RYK: variants seen among roughly 807,000 people sequenced by gnomAD.
RYK encodes inactive tyrosine-protein kinase RYK.
A neutral mutation model predicts 70.2 loss-of-function variants in RYK; 21 were observed. The observed-to-expected ratio is 0.30, with a 90% CI of 0.21 to 0.43. RYK has a LOEUF of 0.43. RYK is among the 20% of genes least tolerant of loss of function. RYK has a pLI of 1.00. For synonymous variants in RYK, 267 were observed against 278.0 expected (o/e 0.96, Z 0.39); for missense variants, 604 against 753.3 (o/e 0.80, Z 2.32).
At chr3:134,239,345 C>A (rs187237943) in intron 1 of RYK, among the ~76,000 whole-genome samples, 1 of 152,006 alleles carries the variant, frequency 6.6e-6, no homozygotes, top group East Asian at 1.9e-4. Flanking sequence ...CACCTGTAGT[C>A]CCAGCTATTT....
At chr3:134,164,009 C>T (rs1026466476) in intron 13 of RYK, among the ~76,000 whole-genome samples, 3 of 152,090 alleles carry the variant, frequency 2.0e-5, no homozygotes, top group Admixed American at 6.6e-5. Flanking sequence ...TATTTATTTG[C>T]ATTTTTAGCA....
intron 11 of RYK, among the ~76,000 whole-genome samples, 194 bp from the exon 12 acceptor site, chr3:134,176,233 T>C (rs2013095125): frequency 6.6e-6 from 1 of 152,218 alleles, no homozygotes; most frequent in African/African-American, 2.4e-5. Flanking sequence ...GTAGTCCTTA[T>C]TATTCTGTAA....
At chr3:134,223,472 A>C (rs9832732) in intron 1 of RYK, among the ~76,000 whole-genome samples, 21,941 of 152,148 alleles carry the variant, frequency 0.14, 1,944 homozygotes, top group East Asian at 0.47. Context: ...AAGAGTTATC[A>C]AAAAAACAAA....
At chr3:134,222,397 T>C in intron 2 of RYK, 21 bp downstream of exon 2, 1 of 1,612,140 alleles carries the variant, frequency 6.2e-7, no homozygotes, top group Non-Finnish European at 8.5e-7. Flanking sequence ...TCATGATGTC[T>C]GTGGTTAGCC....
At chr3:134,237,505 T>C (rs151082965) in intron 1 of RYK, among the ~76,000 whole-genome samples, 146 of 152,278 alleles carry the variant, frequency 9.6e-4, no homozygotes, top group Non-Finnish European at 1.7e-3. Flanking sequence ...AAATGGGTTT[T>C]AAAGAAAATG....
At chr3:134,199,134 A>G (rs1277469582) in intron 6 of RYK, among the ~76,000 whole-genome samples, 2 of 152,224 alleles carry the variant, frequency 1.3e-5, no homozygotes, top group Non-Finnish European at 2.9e-5. Flanking sequence ...GAAAAGATCA[A>G]TTTGCAGTGT....
intron 9 of RYK, 36 bp from the exon 10 acceptor site, chr3:134,183,107 A>C (rs755097102): frequency 2.8e-5 from 35 of 1,229,810 alleles, no homozygotes; most frequent in Middle Eastern, 4.0e-4. Flanking sequence ...TTGAATAATA[A>C]TACTACATAT....
chr3:134,159,802 A>AT (rs1397027238), intron 13 of RYK, among the ~76,000 whole-genome samples: 4 of 152,212 alleles, frequency 2.6e-5, no homozygotes, highest in Non-Finnish European at 5.9e-5. Flanking sequence ...GAAGTCATGG[A>AT]TTTTTACTGT....
intron 13 of RYK, among the ~76,000 whole-genome samples, chr3:134,166,124 T>C (rs2012656818): frequency 6.6e-6 from 1 of 152,210 alleles, no homozygotes; most frequent in Non-Finnish European, 1.5e-5. Flanking sequence ...CCACCATTTA[T>C]ATGCTGAAAC....
At chr3:134,180,087 G>A (rs2013244834) in intron 10 of RYK, 1 of 152,120 alleles carries the variant, frequency 6.6e-6, no homozygotes, top group African/African-American at 2.4e-5. Context: ...TAGGTTCTGT[G>A]GGGCTTGGCA....
At chr3:134,213,915 T>A (rs2014476371) in intron 2 of RYK, among the ~76,000 whole-genome samples, 1 of 152,176 alleles carries the variant, frequency 6.6e-6, no homozygotes, top group Non-Finnish European at 1.5e-5. Context: ...GCGATTCTCC[T>A]GCCTCAGCCT....
At chr3:134,199,921 T>C (rs2013936656) in intron 6 of RYK, among the ~76,000 whole-genome samples, 1 of 37,688 alleles carries the variant, frequency 2.7e-5, no homozygotes, top group African/African-American at 6.9e-5. Flanking sequence ...GTCTAGCTAA[T>C]CAGGTAGGGG....
intron 5 of RYK, among the ~76,000 whole-genome samples, chr3:134,207,156 C>T (rs2014239048): frequency 6.6e-6 from 1 of 152,120 alleles, no homozygotes; most frequent in African/African-American, 2.4e-5. Flanking sequence ...TTTTCTAACC[C>T]TCTGCTAATA....
At chr3:134,236,455 T>A (rs1356921919) in intron 1 of RYK, among the ~76,000 whole-genome samples, 6 of 152,138 alleles carry the variant, frequency 3.9e-5, no homozygotes, top group Non-Finnish European at 7.4e-5. Context: ...AAAACACCCA[T>A]GTTCATGGAC....
In RYK at chr3:134,158,055, C is replaced by T; in HGVS notation, c.*98G>A. The T allele has an allele frequency of 2.0e-6, 1 of 501,610 alleles. No individual in the cohort carries two copies. Among genetic ancestry groups the T allele is most frequent in the Non-Finnish European group, 3.3e-6 (1 of 306,724 alleles). The allele number at this position is 501,610 out of a possible 1,614,324, so 31.1% of individuals were successfully genotyped here. ...CACGGTGTTCTGGAAGACAAATGTG[C>T]TTCTGTTGGCGTTGTGTTAGATACA... On this transcript the variant is annotated 3_prime_UTR_variant, in exon 15 of 15. Coordinates refer to ENST00000623711, the MANE Select transcript of RYK (RefSeq NM_002958.4).
chr3:134,202,171 C>T (rs1308324002), intron 6 of RYK, among the ~76,000 whole-genome samples: 3 of 152,212 alleles, frequency 2.0e-5, no homozygotes, highest in Non-Finnish European at 4.4e-5. Flanking sequence ...ACTGGCTGTA[C>T]ATTAGAATCA....
rs888348728 is a variant in RYK, at chr3:134,250,596, C to A, written c.59G>T (p.Gly20Val). The change falls in exon 1 of 15, where the codon GGC becomes GTC. Residue 20 changes from glycine (G) to valine (V), a missense_variant. Transcript: ENST00000623711. ...PGRSCLPGARGLRAPPPPPLL... is the reference protein window; with the variant it reads ...PGRSCLPGARVLRAPPPPPLL... Reference sequence around the variant, plus strand: ...CGGCGGCGGCGGCGGGGCCCTCAGGCCGCGGGCCCCCGGGAGGCAACTCCG... The same window carrying A: ...CGGCGGCGGCGGCGGGGCCCTCAGGACGCGGGCCCCCGGGAGGCAACTCCG... 2.6e-5 allele frequency: 28 copies of A among 1,060,572 alleles called. No homozygotes were observed. The highest frequency in any genetic ancestry group is 5.3e-5 in the Admixed American group (1 of 18,750). 65.7% of individuals were successfully genotyped at this position (1,060,572 alleles called of 1,614,324 possible).
chr3:134,206,906 A>T (rs770729218), intron 5 of RYK, among the ~76,000 whole-genome samples: 3 of 152,130 alleles, frequency 2.0e-5, no homozygotes, highest in Non-Finnish European at 2.9e-5. Context: ...GCATGAAGAG[A>T]ATCTAGTATC....
At chr3:134,247,808 T>G (rs1489865255) in intron 1 of RYK, among the ~76,000 whole-genome samples, 1 of 152,186 alleles carries the variant, frequency 6.6e-6, no homozygotes, top group Non-Finnish European at 1.5e-5. Flanking sequence ...ATTTATAAAG[T>G]TGTCACTATC....
Sources: allele counts gnomAD v4.1 joint callset (sites outside exome capture counted in the v4.1 genomes callset), GRCh38; gene constraint gnomAD v4.1.1; transcripts MANE v1.5; gene names NCBI Gene and HGNC (gene_info 2026-07-23, HGNC 2026-07-21).